The following SMIM7 variants were observed in gnomAD, a reference collection of about 807,000 sequenced individuals.
SMIM7 encodes the protein UPF0608 protein C19orf42.
A neutral mutation model predicts 13.3 loss-of-function variants in SMIM7; 12 were observed. That is an observed-to-expected ratio of 0.90 (90% CI 0.58 to 1.46). The LOEUF is 1.46. SMIM7 is among the 40% of genes most tolerant of loss of function. The pLI is 0.00. For missense variants in SMIM7, 114 were observed against 94.8 expected, an observed-to-expected ratio of 1.20 and a Z score of -0.84; for synonymous variants, 36 against 35.8, an observed-to-expected ratio of 1.01 and a Z score of -0.02.
intron 4 of SMIM7, chr19:16,638,747 A>G (rs1004017856): frequency 6.6e-6 from 1 of 152,274 alleles, no homozygotes; most frequent in Non-Finnish European, 1.5e-5. Flanking sequence ...AATAAAAGCA[A>G]CAACATTAAT....
At chr19:16,652,362 C>T (rs554667490) in intron 4 of SMIM7, 15 of 186,396 alleles carry the variant, frequency 8.0e-5, no homozygotes, top group Middle Eastern at 2.7e-3. Flanking sequence ...CCACTACACT[C>T]GGCTAATTTT....
intron 4 of SMIM7, chr19:16,636,110 G>A (rs544858909): frequency 3.9e-5 from 6 of 151,944 alleles, no homozygotes; most frequent in Middle Eastern, 3.4e-3. Context: ...AGTCACAAGC[G>A]TCCTTAAATG....
intron 2 of SMIM7, 184 bp from the exon 3 acceptor site, chr19:16,659,631 T>C: frequency 1.4e-6 from 1 of 691,994 alleles, no homozygotes; most frequent in Non-Finnish European, 2.5e-6. Context: ...CACAGCCAGG[T>C]CAGCAGCCAC....
chr19:16,642,512 C>T (rs1448548332), downstream of SMIM7, among the ~76,000 whole-genome samples: 3 of 151,908 alleles, frequency 2.0e-5, no homozygotes, highest in African/African-American at 4.8e-5. Context: ...ATCACACCAC[C>T]GCACTCCAGC....
chr19:16,658,865 C>G (rs959083495), intron 3 of SMIM7, among the ~76,000 whole-genome samples: 14 of 151,902 alleles, frequency 9.2e-5, no homozygotes, highest in African/African-American at 3.4e-4. Flanking sequence ...GCAAACATAA[C>G]AGAACATTAT....
Position 16,647,038 on chromosome 19 carries a change from A to G in SMIM7, c.*208T>C, listed in dbSNP as rs377671216. The G allele has an allele frequency of 1.6e-5, 10 of 640,818 alleles. No individual in the cohort carries two copies. In the African/African-American group the frequency reaches 1.8e-4, roughly 12 times the overall value. The allele number at this position is 640,818 out of a possible 1,614,324, so 39.7% of individuals were successfully genotyped here. On this transcript the variant is annotated 3_prime_UTR_variant, in exon 5 of 5. Coordinates refer to ENST00000487416, the MANE Select transcript of SMIM7 (RefSeq NM_024104.4). Reference sequence around the variant, plus strand: ...CTTTCAGTAGACAGCATTTCAATTCAGAGACCAAAGTGAAACTATCTTTGA... The same window carrying G: ...CTTTCAGTAGACAGCATTTCAATTCGGAGACCAAAGTGAAACTATCTTTGA...
intron 3 of SMIM7, among the ~76,000 whole-genome samples, chr19:16,655,057 T>C (rs1189099781): frequency 6.6e-6 from 1 of 151,930 alleles, no homozygotes. Flanking sequence ...TAACCCCAAC[T>C]CCAACCCCAA....
At chr19:16,650,013 T>C (rs1255527775) in intron 4 of SMIM7, among the ~76,000 whole-genome samples, 4 of 152,186 alleles carry the variant, frequency 2.6e-5, no homozygotes, top group African/African-American at 9.7e-5. Flanking sequence ...GGTTTCTTTC[T>C]GTGTTGATGA....
intron 3 of SMIM7, among the ~76,000 whole-genome samples, chr19:16,654,550 T>A (rs963346264): frequency 3.3e-5 from 5 of 151,944 alleles, no homozygotes; most frequent in Non-Finnish European, 7.4e-5. Context: ...TAGTTTTTAC[T>A]TTTTTTTAAA....
chr19:16,639,183 G>A (rs190786886), intron 4 of SMIM7, among the ~76,000 whole-genome samples: 19 of 149,080 alleles, frequency 1.3e-4, no homozygotes, highest in African/African-American at 4.0e-4. Flanking sequence ...GTGCAGTGGC[G>A]TGATCTCGGC....
chr19:16,648,022 T>C (rs1299727457), intron 4 of SMIM7, among the ~76,000 whole-genome samples: 1 of 152,178 alleles, frequency 6.6e-6, no homozygotes, highest in Non-Finnish European at 1.5e-5. Context: ...TACAAAACTC[T>C]TGGAAGAAAA....
chr19:16,635,795 A>T (rs2086354329), intron 4 of SMIM7, among the ~76,000 whole-genome samples: 1 of 150,196 alleles, frequency 6.7e-6, no homozygotes, highest in Non-Finnish European at 1.5e-5. Context: ...GAGGCAGGAG[A>T]GTCGCTTAAA....
downstream of SMIM7, chr19:16,645,748 G>A (rs145495699): frequency 0.014 from 1,969 of 142,254 alleles, 34 homozygotes; most frequent in Non-Finnish European, 0.018. Context: ...TGCAACCTCC[G>A]CCTCCCAGAT....
chr19:16,639,639 TG>T (rs1213854308), intron 4 of SMIM7, among the ~76,000 whole-genome samples: 3 of 152,170 alleles, frequency 2.0e-5, no homozygotes, highest in Admixed American at 2.0e-4. Context: ...AATCTCATCT[TG>T]AGTTGTAGTT....
chr19:16,634,821 CAT>C (rs2086347152), intron 4 of SMIM7: 1 of 99,978 alleles, frequency 1.0e-5, no homozygotes, highest in Admixed American at 1.0e-4. Flanking sequence ...AAACTGAAAA[CAT>C]ATACTCACAG....
chr19:16,632,516 A>G (rs1420871506), intron 4 of SMIM7, among the ~76,000 whole-genome samples: 1 of 151,774 alleles, frequency 6.6e-6, no homozygotes, highest in Non-Finnish European at 1.5e-5. Context: ...ACGAATGAAA[A>G]AAGTCATTAA....
chr19:16,639,482 G>C (rs2086389318), intron 4 of SMIM7, among the ~76,000 whole-genome samples: 1 of 152,138 alleles, frequency 6.6e-6, no homozygotes, highest in African/African-American at 2.4e-5. Context: ...TCCATAAAGG[G>C]TCAGAAAGTA....
At chr19:16,653,997 A>C in intron 4 of SMIM7, 38 bp downstream of exon 4, 1 of 1,569,738 alleles carries the variant, frequency 6.4e-7, no homozygotes, top group Non-Finnish European at 8.8e-7. Flanking sequence ...AAGGAGACTA[A>C]GAGACGACAG....
At chr19:16,635,898 AAAT>A (rs1326489102) in intron 4 of SMIM7, among the ~76,000 whole-genome samples, 3 of 134,034 alleles carry the variant, frequency 2.2e-5, no homozygotes, top group African/African-American at 9.1e-5. Context: ...AAAAAAAAAA[AAAT>A]ATATATATAT....
Sources: allele counts gnomAD v4.1 joint callset (sites outside exome capture counted in the v4.1 genomes callset), GRCh38; gene constraint gnomAD v4.1.1; transcripts MANE v1.5; gene names NCBI Gene and HGNC (gene_info 2026-07-23, HGNC 2026-07-21).